The following CACNA2D2 variants were observed in gnomAD, a reference collection of about 807,000 sequenced individuals.
The protein encoded by CACNA2D2 is voltage-dependent calcium channel subunit alpha-2/delta-2.
Under a neutral mutation model 166.4 loss-of-function variants are expected in CACNA2D2, and 48 were observed. The ratio of observed to expected loss-of-function variants is 0.29; its 90% CI spans 0.23 to 0.37. The LOEUF (loss-of-function observed/expected upper bound fraction) is 0.37, where lower values mean the gene tolerates loss of function less well. Among genes scored for constraint, CACNA2D2 ranks in the 10% least tolerant of loss-of-function variants. CACNA2D2 has a pLI of 1.00. For synonymous variants in CACNA2D2, 561 were observed against 573.7 expected (o/e 0.98, Z 0.32); for missense variants, 1,122 against 1,433.0 (o/e 0.78, Z 3.50).
intron 3 of CACNA2D2, among the ~76,000 whole-genome samples, chr3:50,398,704 C>T (rs1031239846): frequency 3.3e-5 from 5 of 152,184 alleles, no homozygotes; most frequent in Non-Finnish European, 7.3e-5. Context: ...TGGCCCGTGA[C>T]GTCCCCATCA....
In CACNA2D2 at chr3:50,379,322, C is replaced by T. The variant is rs1020639664; in HGVS notation, c.1152+110G>A. On this transcript the variant is annotated intron_variant, in intron 11 of 37. Transcript: ENST00000424201. The surrounding 1 kb of genome is among the most constrained non-coding windows in gnomAD (Gnocchi z 6.5). Reference sequence around the variant, plus strand: ...CCCCACAGCAGATGGAGCTATCTGTCCAAGCTGCCTGTTTGGTGCTAACGA... The same window carrying T: ...CCCCACAGCAGATGGAGCTATCTGTTCAAGCTGCCTGTTTGGTGCTAACGA... 6.8e-7 allele frequency: 1 copy of T among 1,472,854 alleles called. No individual in the cohort carries two copies. Among genetic ancestry groups the T allele is most frequent in the African/African-American group, 1.4e-5 (1 of 72,124 alleles). The allele number at this position is 1,472,854 out of a possible 1,614,324, so 91.2% of individuals were successfully genotyped here. A position where few individuals can be genotyped will look rare whatever the true frequency, so the allele number is the denominator to read the frequency against.
chr3:50,448,281 T>C (rs1243738187), intron 2 of CACNA2D2, among the ~76,000 whole-genome samples: 2 of 152,188 alleles, frequency 1.3e-5, no homozygotes, highest in Non-Finnish European at 2.9e-5. Flanking sequence ...TGTGGAGTCA[T>C]CAACGTGACT....
At position 50,364,528 on chromosome 3, in the gene CACNA2D2, A is replaced by G. The variant is rs1354757053; in HGVS notation, c.*138T>C. 4.5e-6 allele frequency: 5 copies of G among 1,099,784 alleles called. No individual in the cohort carries two copies. In the East Asian group the frequency reaches 1.3e-4, roughly 29 times the overall value. 68.1% of individuals were successfully genotyped at this position (1,099,784 alleles called of 1,614,324 possible). A position where few individuals can be genotyped will look rare whatever the true frequency, so the allele number is the denominator to read the frequency against. ...GACTCCCCATCCCAAGGCGCAGACC[A>G]GACTCTCAGGGCCTGGCCAGCTCAG... On this transcript the variant is annotated 3_prime_UTR_variant, in exon 38 of 38. Coordinates refer to ENST00000424201, the MANE Select transcript of CACNA2D2 (RefSeq NM_006030.4).
intron 22 of CACNA2D2, among the ~76,000 whole-genome samples, chr3:50,374,464 G>C (rs1369127930): frequency 6.6e-6 from 1 of 151,566 alleles, no homozygotes; most frequent in Non-Finnish European, 1.5e-5. Context: ...GGGCAGGCAG[G>C]CTAAGGAGGG....
chr3:50,493,762 GCTGGAGGCGGGGCACGGGT>G (rs1224495203), intron 1 of CACNA2D2, among the ~76,000 whole-genome samples: 2 of 152,234 alleles, frequency 1.3e-5, no homozygotes, highest in African/African-American at 4.8e-5. Context: ...CCGGCACAGA[GCTGGAGGCGGGGCACGGGT>G]CTGGAGGAGG....
chr3:50,416,941 C>G (rs75574248), intron 3 of CACNA2D2, among the ~76,000 whole-genome samples: 73 of 152,318 alleles, frequency 4.8e-4, no homozygotes, highest in Non-Finnish European at 9.0e-4. Flanking sequence ...GCACATGTAT[C>G]CCATTCACGT....
At chr3:50,498,354 C>T (rs940250583) in intron 1 of CACNA2D2, among the ~76,000 whole-genome samples, 1 of 152,284 alleles carries the variant, frequency 6.6e-6, no homozygotes, top group East Asian at 1.9e-4. Flanking sequence ...TCAGACCTGG[C>T]AAAACTGCCA....
At chr3:50,440,845 G>A (rs1708556669) in intron 2 of CACNA2D2, among the ~76,000 whole-genome samples, 1 of 152,154 alleles carries the variant, frequency 6.6e-6, no homozygotes, top group African/African-American at 2.4e-5. Flanking sequence ...AGACACTTGG[G>A]AGTGGGGCTG....
Position 50,370,392 on chromosome 3 carries a change from ACGGGGGGTTATCCGG to A in CACNA2D2, c.1985-27_1985-13del. 1 of 1,025,576 alleles carries A rather than the reference ACGGGGGGTTATCCGG, an allele frequency of 9.8e-7. No homozygotes were observed. Among genetic ancestry groups the A allele is most frequent in the Non-Finnish European group, 1.4e-6 (1 of 733,368 alleles). The allele number at this position is 1,025,576 out of a possible 1,614,324, so 63.5% of individuals were successfully genotyped here. On this transcript the variant is annotated splice_polypyrimidine_tract_variant and intron_variant, in intron 22 of 37. Transcript: ENST00000424201. ...CAGGAACTCAAAATCTGCAACAGAA[ACGGGGGGTTATCCGG>A]CGGGGGCTGGGGAGGCTGGAGGCCG... is the stretch of plus-strand genomic sequence containing the variant.
chr3:50,378,221 A>G, intron 14 of CACNA2D2, 63 bp downstream of exon 14: 2 of 1,557,204 alleles, frequency 1.3e-6, no homozygotes, highest in South Asian at 2.3e-5. Flanking sequence ...ACAGCAGCCC[A>G]TGGCACACAG....
chr3:50,445,166 C>T (rs867496672), intron 2 of CACNA2D2, among the ~76,000 whole-genome samples: 2 of 152,176 alleles, frequency 1.3e-5, no homozygotes, highest in Admixed American at 6.5e-5. Context: ...CTGGCTTGGA[C>T]GGTTGGGGCT....
intron 1 of CACNA2D2, among the ~76,000 whole-genome samples, chr3:50,497,010 G>A (rs943252560): frequency 6.6e-6 from 1 of 152,182 alleles, no homozygotes; most frequent in Admixed American, 6.6e-5. Context: ...CTGATCAGCA[G>A]GAAAGGCTTC....
Position 50,379,207 on chromosome 3 carries a change from G to T in CACNA2D2, c.1153-8C>A, listed in dbSNP as rs767871348. 1 of 1,606,152 alleles carries T rather than the reference G, an allele frequency of 6.2e-7. No homozygotes were observed. The highest frequency in any genetic ancestry group is 2.2e-5 in the East Asian group (1 of 44,832). ...GGCCCGAGTGATGTTGGACTGAGGG[G>T]AGTGAGGCGGAGGCAGGCAGCTCTC... is the stretch of plus-strand genomic sequence containing the variant. On this transcript the variant is annotated splice_region_variant and splice_polypyrimidine_tract_variant and intron_variant, in intron 11 of 37. Coordinates refer to ENST00000424201, the MANE Select transcript of CACNA2D2 (RefSeq NM_006030.4). This position sits in a 1 kb window ranked among gnomAD's most constrained non-coding sequence, Gnocchi z 6.5.
At chr3:50,456,500 C>G (rs1709365673) in intron 2 of CACNA2D2, among the ~76,000 whole-genome samples, 1 of 152,202 alleles carries the variant, frequency 6.6e-6, no homozygotes, top group African/African-American at 2.4e-5. Flanking sequence ...CTCAAGCTTG[C>G]TAGGTGGCTG....
At chr3:50,408,359 C>T (rs185773810) in intron 3 of CACNA2D2, among the ~76,000 whole-genome samples, 3 of 152,352 alleles carry the variant, frequency 2.0e-5, no homozygotes, top group Admixed American at 6.5e-5. Context: ...GATGTGGACG[C>T]CTGAGGCTCC....
intron 2 of CACNA2D2, among the ~76,000 whole-genome samples, chr3:50,472,904 G>C (rs1008764686): frequency 6.6e-6 from 1 of 152,198 alleles, no homozygotes; most frequent in Non-Finnish European, 1.5e-5. Context: ...GAAGTGGGAG[G>C]GTAGAAAAGA....
intron 2 of CACNA2D2, among the ~76,000 whole-genome samples, chr3:50,453,773 T>C: frequency 6.6e-6 from 1 of 152,124 alleles, no homozygotes; most frequent in East Asian, 1.9e-4. Flanking sequence ...GGAGGATGTC[T>C]TGAGGGCTTC....
At chr3:50,431,457 A>G (rs1708060812) in intron 3 of CACNA2D2, among the ~76,000 whole-genome samples, 1 of 152,096 alleles carries the variant, frequency 6.6e-6, no homozygotes, top group Non-Finnish European at 1.5e-5. Flanking sequence ...CTCAGGAATA[A>G]TGTGGGGGAG....
At chr3:50,438,542 T>C (rs1708451501) in intron 2 of CACNA2D2, among the ~76,000 whole-genome samples, 1 of 152,090 alleles carries the variant, frequency 6.6e-6, no homozygotes, top group South Asian at 2.1e-4. Flanking sequence ...GCAGGAATGG[T>C]GACCTTGGAC....
Sources: allele counts gnomAD v4.1 joint callset (sites outside exome capture counted in the v4.1 genomes callset), GRCh38; gene constraint gnomAD v4.1.1; non-coding constraint Gnocchi (gnomAD v3.1); transcripts MANE v1.5; gene names NCBI Gene and HGNC (gene_info 2026-07-23, HGNC 2026-07-21).